The following NOS1AP variants were observed in gnomAD, a reference collection of about 807,000 sequenced individuals.
NOS1AP encodes the protein nitric oxide synthase 1 adaptor protein.
NOS1AP carries 21 observed loss-of-function variants against 56.2 expected under a neutral mutation model. That is an observed-to-expected ratio of 0.37 (90% CI 0.26 to 0.54). NOS1AP has a LOEUF of 0.54. Ranked by LOEUF, NOS1AP falls within the 20% of genes least tolerant of loss-of-function variation. The pLI, the probability that NOS1AP is intolerant of heterozygous loss-of-function variation, is 0.84. For synonymous variants in NOS1AP, 270 were observed against 274.6 expected (o/e 0.98, Z 0.17); for missense variants, 522 against 657.8 (o/e 0.79, Z 2.26).
chr1:162,351,694 A>G (rs1657501396), intron 6 of NOS1AP, among the ~76,000 whole-genome samples: 3 of 152,092 alleles, frequency 2.0e-5, no homozygotes, highest in Admixed American at 2.0e-4. Context: ...TCTTATCTTA[A>G]AAGCTGAGCA....
rs1647254961 is a variant in NOS1AP, at chr1:162,368,604, CA to C, written c.*1138del. The C allele has an allele frequency of 6.6e-6, 1 of 152,270 alleles. No homozygotes were observed. Among genetic ancestry groups the C allele is most frequent in the Admixed American group, 6.5e-5 (1 of 15,288 alleles). 9.4% of individuals were successfully genotyped at this position (152,270 alleles called of 1,614,324 possible). ...TCTCTCTGCGTGCGTGCCTTGAGCACACATATAAAAAGTGCCATGTGCAATT... is the reference window on the plus strand; with the variant it reads ...TCTCTCTGCGTGCGTGCCTTGAGCACCATATAAAAAGTGCCATGTGCAATT... On this transcript the variant is annotated 3_prime_UTR_variant, in exon 10 of 10. Transcript: ENST00000361897.
intron 2 of NOS1AP, among the ~76,000 whole-genome samples, chr1:162,265,593 G>A (rs1159241473): frequency 6.6e-6 from 1 of 151,904 alleles, no homozygotes; most frequent in South Asian, 2.1e-4. Flanking sequence ...TATTCTTTAT[G>A]AGAATACGCA....
intron 1 of NOS1AP, among the ~76,000 whole-genome samples, chr1:162,107,980 C>T (rs1041964392): frequency 6.6e-6 from 1 of 152,118 alleles, no homozygotes; most frequent in African/African-American, 2.4e-5. Context: ...AAAATTCTTG[C>T]ATTCTTGAAT....
intron 1 of NOS1AP, among the ~76,000 whole-genome samples, chr1:162,120,699 A>G (rs1373550888): frequency 6.6e-6 from 1 of 152,204 alleles, no homozygotes; most frequent in Non-Finnish European, 1.5e-5. Context: ...CCCCCCCATG[A>G]TTCGATTATC....
intron 1 of NOS1AP, among the ~76,000 whole-genome samples, chr1:162,112,911 G>T (rs1647768325): frequency 6.6e-6 from 1 of 152,140 alleles, no homozygotes; most frequent in Non-Finnish European, 1.5e-5. Context: ...GGGGTGAATT[G>T]CTTTAGTCTG....
At chr1:162,245,521 T>A (rs111240674) in intron 2 of NOS1AP, among the ~76,000 whole-genome samples, 5,908 of 152,306 alleles carry the variant, frequency 0.039, 256 homozygotes, top group African/African-American at 0.11. Flanking sequence ...ACCATTCTAC[T>A]TCTAGGTATT....
At position 162,344,153 on chromosome 1, in the gene NOS1AP, A is replaced by G. The variant is rs180802477; in HGVS notation, c.595+177A>G. ...AACACGTATTACTTTTATAACAGAA[A>G]TTAAAGATGTTTAAATTATTAAATG... On this transcript the variant is annotated intron_variant, in intron 6 of 9. Coordinates refer to ENST00000361897, the MANE Select transcript of NOS1AP (RefSeq NM_014697.3). 3.3e-5 allele frequency among the ~76,000 whole-genome samples: 5 copies of G among 152,318 alleles called. No individual in the cohort carries two copies. In the East Asian group the frequency reaches 9.6e-4, roughly 29 times the overall value.
In NOS1AP at chr1:162,182,266, C is replaced by A. The variant is rs6704393; in HGVS notation, c.177+27790C>A. Among the ~76,000 whole-genome samples, 3 of 152,072 alleles carry A rather than the reference C, an allele frequency of 2.0e-5. No homozygotes were observed. In the East Asian group the frequency reaches 5.8e-4, roughly 29 times the overall value. The stretch of plus-strand genomic sequence containing the variant: ...ACATAATGTCATTGAACCTTATAAT[C>A]GGTCACAATACTGTCAAGTTGGTAC... On this transcript the variant is annotated intron_variant, in intron 2 of 9. Transcript: ENST00000361897.
chr1:162,300,508 C>T (rs1330751120), intron 3 of NOS1AP, 125 bp from the exon 4 acceptor site: 3 of 820,674 alleles, frequency 3.7e-6, no homozygotes, highest in Non-Finnish European at 6.5e-6. Context: ...GAGCAATCAA[C>T]TCCAGGCCTC....
At chr1:162,081,774 A>ATATAAATATTTTTTTTTTTTTTT in intron 1 of NOS1AP, among the ~76,000 whole-genome samples, 1 of 44,060 alleles carries the variant, frequency 2.3e-5, no homozygotes, top group Admixed American at 3.2e-4. Context: ...ATATATATAT[A>ATATAAATATTTTTTTTTTTTTTT]TTTTTTTTTT....
chr1:162,108,982 G>T (rs7541332), intron 1 of NOS1AP, among the ~76,000 whole-genome samples: 77,122 of 152,108 alleles, frequency 0.51, 21,727 homozygotes, highest in Non-Finnish European at 0.64. Context: ...GGCTGGCGAG[G>T]CTTCAGAATC....
At chr1:162,351,046 T>A (rs982684507) in intron 6 of NOS1AP, among the ~76,000 whole-genome samples, 4 of 152,244 alleles carry the variant, frequency 2.6e-5, no homozygotes, top group Admixed American at 1.3e-4. Context: ...TACCTTTGGC[T>A]ATATAAGGTA....
intron 3 of NOS1AP, 142 bp from the exon 4 acceptor site, chr1:162,300,491 C>A: frequency 5.3e-6 from 4 of 749,738 alleles, no homozygotes; most frequent in Non-Finnish European, 9.7e-6. Flanking sequence ...TTGCACTCGT[C>A]GTTTTGGAGC....
intron 2 of NOS1AP, among the ~76,000 whole-genome samples, chr1:162,266,164 A>T (rs996397896): frequency 2.0e-5 from 3 of 152,182 alleles, no homozygotes; most frequent in Non-Finnish European, 2.9e-5. Context: ...CTGGGTGGTT[A>T]TGTGCTAGCT....
At chr1:162,303,869 A>G (rs1655737076) in intron 4 of NOS1AP, among the ~76,000 whole-genome samples, 1 of 145,498 alleles carries the variant, frequency 6.9e-6, no homozygotes. Flanking sequence ...TGTCAAATAC[A>G]TGGTTTACAA....
chr1:162,200,316 C>G (rs1177188261), intron 2 of NOS1AP, among the ~76,000 whole-genome samples: 1 of 152,198 alleles, frequency 6.6e-6, no homozygotes, highest in African/African-American at 2.4e-5. Flanking sequence ...CTTTTGAGAC[C>G]TTTCCCTGAC....
At chr1:162,137,147 CT>C (rs1300131636) in intron 1 of NOS1AP, among the ~76,000 whole-genome samples, 7 of 152,188 alleles carry the variant, frequency 4.6e-5, no homozygotes, top group Non-Finnish European at 8.8e-5. Context: ...ATGGACCCCC[CT>C]GTCACAGATT....
chr1:162,167,962 C>T (rs1372929171), intron 2 of NOS1AP, among the ~76,000 whole-genome samples: 1 of 139,970 alleles, frequency 7.1e-6, no homozygotes, highest in Non-Finnish European at 1.5e-5. Flanking sequence ...ACACTAATAA[C>T]CAAACATGAG....
chr1:162,236,970 C>T (rs74128708), intron 2 of NOS1AP, among the ~76,000 whole-genome samples: 7,841 of 152,222 alleles, frequency 0.052, 392 homozygotes, highest in African/African-American at 0.13. Context: ...CCCTGGATAA[C>T]CCCCAGCTCT....
Sources: allele counts gnomAD v4.1 joint callset (sites outside exome capture counted in the v4.1 genomes callset), GRCh38; gene constraint gnomAD v4.1.1; transcripts MANE v1.5; gene names NCBI Gene and HGNC (gene_info 2026-07-23, HGNC 2026-07-21).